The following CNBD1 variants were observed in gnomAD, a reference collection of about 807,000 sequenced individuals.
The protein encoded by CNBD1 is cyclic nucleotide-binding domain-containing protein 1.
CNBD1 carries 71 observed loss-of-function variants against 54.4 expected under a neutral mutation model. The ratio of observed to expected loss-of-function variants is 1.30; its 90% CI spans 1.08 to 1.59. The LOEUF is 1.59. Ranked by LOEUF, CNBD1 falls within the 40% of genes most tolerant of loss-of-function variation. The pLI is 0.00. For missense variants in CNBD1, 659 were observed against 518.0 expected, an observed-to-expected ratio of 1.27 and a Z score of -2.64; for synonymous variants, 182 against 170.7, an observed-to-expected ratio of 1.07 and a Z score of -0.51.
At chr8:87,184,880 T>C (rs1355982658) in intron 4 of CNBD1, among the ~76,000 whole-genome samples, 1 of 152,218 alleles carries the variant, frequency 6.6e-6, no homozygotes, top group East Asian at 1.9e-4. Flanking sequence ...TATTTTCTTA[T>C]AGCTACTATT....
intron 4 of CNBD1, among the ~76,000 whole-genome samples, chr8:86,966,763 A>G (rs1380030562): frequency 1.3e-5 from 2 of 152,214 alleles, no homozygotes; most frequent in Non-Finnish European, 2.9e-5. Flanking sequence ...TCATAAAGGT[A>G]GTGCAGACCG....
At chr8:87,303,471 T>G (rs1809061571) in intron 8 of CNBD1, among the ~76,000 whole-genome samples, 1 of 151,850 alleles carries the variant, frequency 6.6e-6, no homozygotes, top group Non-Finnish European at 1.5e-5. Context: ...CCTTACACCT[T>G]ATACAAAAAT....
intron 4 of CNBD1, among the ~76,000 whole-genome samples, chr8:87,022,538 A>G (rs1809511673): frequency 6.6e-6 from 1 of 152,154 alleles, no homozygotes. Context: ...AGAAATGAAA[A>G]TACTGGAAGC....
In CNBD1 at chr8:86,866,597, A is replaced by G; in HGVS notation, c.88+14A>G. The G allele has an allele frequency of 6.4e-7, 1 of 1,569,160 alleles. No homozygotes were observed. The highest frequency in any genetic ancestry group is 8.7e-7 in the Non-Finnish European group (1 of 1,144,916). Reference sequence around the variant, plus strand: ...ACAGTATACCAAGTGAGTGGGAAATACTTTGATGCTCTTATTCACCTACCA... The same window carrying G: ...ACAGTATACCAAGTGAGTGGGAAATGCTTTGATGCTCTTATTCACCTACCA... On this transcript the variant is annotated intron_variant, in intron 1 of 10. Transcript: ENST00000518476.
intron 5 of CNBD1, among the ~76,000 whole-genome samples, chr8:87,235,715 A>G (rs902788358): frequency 6.6e-6 from 1 of 152,192 alleles, no homozygotes; most frequent in Non-Finnish European, 1.5e-5. Flanking sequence ...GAGAATTACC[A>G]AAATGTGACA....
chr8:87,090,250 T>C (rs543034903), intron 4 of CNBD1, among the ~76,000 whole-genome samples: 1 of 152,310 alleles, frequency 6.6e-6, no homozygotes, highest in African/African-American at 2.4e-5. Context: ...TCAAATGAGA[T>C]TATTTCCTTT....
intron 4 of CNBD1, among the ~76,000 whole-genome samples, chr8:87,015,383 C>T (rs184717560): frequency 0.018 from 2,702 of 152,180 alleles, 32 homozygotes; most frequent in Non-Finnish European, 0.028. Flanking sequence ...GACAGGGTTT[C>T]ATCGTGTTAG....
intron 8 of CNBD1, among the ~76,000 whole-genome samples, chr8:87,303,798 A>C (rs1233634798): frequency 6.7e-6 from 1 of 148,860 alleles, no homozygotes; most frequent in Non-Finnish European, 1.5e-5. Flanking sequence ...AAGAAAAAAA[A>C]TAAACAACCC....
chr8:86,922,433 A>T (rs1446142258), intron 3 of CNBD1, among the ~76,000 whole-genome samples: 1 of 152,140 alleles, frequency 6.6e-6, no homozygotes, highest in Non-Finnish European at 1.5e-5. Context: ...GAAGGAAGGA[A>T]GAAGAAAGTT....
intron 8 of CNBD1, among the ~76,000 whole-genome samples, chr8:87,346,317 CA>C (rs1450576411): frequency 1.3e-5 from 2 of 152,156 alleles, no homozygotes; most frequent in Admixed American, 6.5e-5. Flanking sequence ...GCTGGTATCA[CA>C]GGTGTGAGCC....
intron 4 of CNBD1, among the ~76,000 whole-genome samples, chr8:87,016,601 A>G (rs1451614659): frequency 1.3e-5 from 2 of 152,198 alleles, no homozygotes; most frequent in African/African-American, 4.8e-5. Context: ...TTTGTAGATT[A>G]GTATCATTCA....
intron 10 of CNBD1, among the ~76,000 whole-genome samples, chr8:87,375,230 A>T (rs1401614283): frequency 1.3e-5 from 2 of 151,600 alleles, no homozygotes; most frequent in Non-Finnish European, 2.9e-5. Flanking sequence ...ACAATCTCTG[A>T]CAACACTGTT....
chr8:87,394,226 T>G (rs939435132), intron 2 of CNBD1, among the ~76,000 whole-genome samples: 1 of 151,824 alleles, frequency 6.6e-6, no homozygotes, highest in Non-Finnish European at 1.5e-5. Context: ...TGAAATAAAA[T>G]AAGAAGACTC....
chr8:87,085,799 C>T (rs1175933643), intron 4 of CNBD1, among the ~76,000 whole-genome samples: 1 of 152,110 alleles, frequency 6.6e-6, no homozygotes, highest in East Asian at 1.9e-4. Flanking sequence ...CCATTCTCTG[C>T]TACCTGGGTT....
chr8:87,097,812 A>G (rs1811349484), intron 4 of CNBD1, among the ~76,000 whole-genome samples: 1 of 152,072 alleles, frequency 6.6e-6, no homozygotes, highest in South Asian at 2.1e-4. Context: ...AACTAAGGAG[A>G]TTTGCACTCT....
intron 6 of CNBD1, among the ~76,000 whole-genome samples, chr8:87,239,192 G>A (rs1161424595): frequency 1.3e-5 from 2 of 152,098 alleles, no homozygotes; most frequent in Non-Finnish European, 2.9e-5. Flanking sequence ...ATTTTAACTT[G>A]CAGCAACTCT....
At position 87,342,270 on chromosome 8, in the gene CNBD1, C is replaced by G. The variant is rs542450105; in HGVS notation, c.1043-9415C>G. Among the ~76,000 whole-genome samples, 2 of 114,186 alleles carry G rather than the reference C, an allele frequency of 1.8e-5. 1 individual carries two copies. Among genetic ancestry groups the G allele is most frequent in the Non-Finnish European group, 3.5e-5 (2 of 57,012 alleles). 74.9% of individuals were successfully genotyped at this position (114,186 alleles called of 152,430 possible). On this transcript the variant is annotated intron_variant, in intron 8 of 10. Coordinates refer to ENST00000518476, the MANE Select transcript of CNBD1 (RefSeq NM_173538.3). ...CCTGGGCAACAGAGCAAGACTCCAT[C>G]TCAAAAAGAAAAAAAAAAAAAAGAA...
intron 4 of CNBD1, among the ~76,000 whole-genome samples, chr8:86,971,300 C>A (rs530908646): frequency 4.4e-4 from 67 of 152,196 alleles, no homozygotes; most frequent in African/African-American, 1.6e-3. Flanking sequence ...ACCATCAGAT[C>A]TTGTGAGAAC....
intron 4 of CNBD1, among the ~76,000 whole-genome samples, chr8:87,151,751 A>G (rs1230757370): frequency 6.7e-6 from 1 of 149,242 alleles, no homozygotes; most frequent in Non-Finnish European, 1.5e-5. Context: ...AATTAAATGC[A>G]TATTAAAAAT....
Sources: gnomAD v4.1 joint callset for allele counts (sites outside exome capture counted in the v4.1 genomes callset) on GRCh38, gnomAD v4.1.1 for gene constraint, MANE v1.5 for transcripts, NCBI Gene and HGNC (gene_info 2026-07-23, HGNC 2026-07-21) for gene names.